The following SLC61A1 variants were observed in gnomAD, a reference collection of about 807,000 sequenced individuals.
SLC61A1 encodes the protein major facilitator superfamily domain containing 5.
At chr12:53,253,570 G>A in the SLC61A1 span, 58 of 1,613,810 alleles carry the variant, frequency 3.6e-5, no homozygotes, top group Non-Finnish European at 4.6e-5. Flanking sequence ...GCCTCCTGTC[G>A]GACCGCCGCG....
chr12:53,252,987 T>A, the SLC61A1 span: 29 of 1,614,220 alleles, frequency 1.8e-5, no homozygotes, highest in Non-Finnish European at 2.3e-5. Context: ...GTCTACTTCC[T>A]GGCCCTGGCA....
the SLC61A1 span, chr12:53,252,016 G>T: frequency 7.2e-7 from 1 of 1,383,724 alleles, no homozygotes; most frequent in African/African-American, 1.5e-5. Context: ...CACCCCAGGC[G>T]TCAGGAGTTC....
At chr12:53,254,006 C>G in the SLC61A1 span, 6 of 1,614,178 alleles carry the variant, frequency 3.7e-6, no homozygotes, top group South Asian at 1.1e-5. Context: ...ACTGGCTTGC[C>G]TAGGGCTCCT....
the SLC61A1 span, chr12:53,252,454 C>T: frequency 7.8e-7 from 1 of 1,290,314 alleles, no homozygotes; most frequent in Non-Finnish European, 9.8e-7. Context: ...ACACTGAGGG[C>T]AAAAAGAGGC....
the SLC61A1 span, chr12:53,254,058 T>C: frequency 5.0e-6 from 8 of 1,614,202 alleles, no homozygotes; most frequent in Non-Finnish European, 6.8e-6. Context: ...ACTCGGAATA[T>C]GTTCAGCATT....
the SLC61A1 span, chr12:53,254,136 C>T: frequency 1.2e-6 from 2 of 1,614,206 alleles, no homozygotes; most frequent in Non-Finnish European, 1.7e-6. Flanking sequence ...AGGCATGATG[C>T]TGAGCTGCGG....
At chr12:53,253,279 C>T in the SLC61A1 span, 12 of 1,614,250 alleles carry the variant, frequency 7.4e-6, no homozygotes, top group Non-Finnish European at 1.0e-5. Flanking sequence ...TCTCAGCCTT[C>T]GAGGCCTGGT....
At chr12:53,252,468 G>C in the SLC61A1 span, 1 of 1,296,146 alleles carries the variant, frequency 7.7e-7, no homozygotes, top group African/African-American at 1.5e-5. Context: ...AAGAGGCTCC[G>C]CAGCGAGGAC....
the SLC61A1 span, chr12:53,252,847 T>C: frequency 5.6e-6 from 9 of 1,613,848 alleles, no homozygotes; most frequent in Non-Finnish European, 7.6e-6. Context: ...TGCTGGTGAC[T>C]GCCTACCTTG....
chr12:53,253,312 G>A, the SLC61A1 span: 1 of 1,614,268 alleles, frequency 6.2e-7, no homozygotes, highest in Non-Finnish European at 8.5e-7. Context: ...ACGTGGAACG[G>A]CATGACTTCC....
the SLC61A1 span, chr12:53,254,173 TGCCCCTGA>T: frequency 6.2e-7 from 1 of 1,613,988 alleles, no homozygotes; most frequent in Non-Finnish European, 8.5e-7. Context: ...AGGAGCCCTA[TGCCCCTGA>T]GCTGTAACCC....
the SLC61A1 span, chr12:53,253,283 G>T: frequency 6.2e-7 from 1 of 1,614,246 alleles, no homozygotes; most frequent in Non-Finnish European, 8.5e-7. Flanking sequence ...AGCCTTCGAG[G>T]CCTGGTATAT....
At chr12:53,252,294 A>C in the SLC61A1 span, 3 of 1,390,242 alleles carry the variant, frequency 2.2e-6, no homozygotes, top group Non-Finnish European at 2.8e-6. Flanking sequence ...GGCGAGGTGC[A>C]AGTGGATGTG....
chr12:53,251,948 G>T, the SLC61A1 span: 3 of 1,537,040 alleles, frequency 2.0e-6, no homozygotes, highest in African/African-American at 2.7e-5. Flanking sequence ...GGATGGCAGC[G>T]AGCGAGGCCA....
chr12:53,251,823 T>C, the SLC61A1 span: 14 of 1,537,256 alleles, frequency 9.1e-6, no homozygotes, highest in African/African-American at 1.4e-5. Context: ...CTCCAACCCT[T>C]GGCTCTACCG....
the SLC61A1 span, chr12:53,252,404 G>A: frequency 1.5e-6 from 2 of 1,295,138 alleles, no homozygotes. Flanking sequence ...AACTCGAGAG[G>A]CCTGCGCGGG....
the SLC61A1 span, chr12:53,252,378 C>T: frequency 7.6e-7 from 1 of 1,318,112 alleles, no homozygotes; most frequent in Non-Finnish European, 9.7e-7. Flanking sequence ...GAGATGCACA[C>T]GCATGACCCT....
chr12:53,252,981 A>G, the SLC61A1 span: 1 of 1,614,176 alleles, frequency 6.2e-7, no homozygotes, highest in East Asian at 2.2e-5. Flanking sequence ...TATCAGGTCT[A>G]CTTCCTGGCC....
chr12:53,251,983 C>G, the SLC61A1 span: 12 of 1,536,334 alleles, frequency 7.8e-6, no homozygotes, highest in Admixed American at 2.0e-5. Flanking sequence ...ACCGCAGCCT[C>G]CTATGGTCGC....
Sources: allele counts gnomAD v4.1 joint callset, GRCh38; gene constraint gnomAD v4.1.1; transcripts MANE v1.5; gene names NCBI Gene and HGNC (gene_info 2026-07-23, HGNC 2026-07-21).